HSD11B1: variants seen among roughly 807,000 people sequenced by gnomAD.
HSD11B1 encodes 11-beta-hydroxysteroid dehydrogenase 1.
A neutral mutation model predicts 22.1 loss-of-function variants in HSD11B1; 15 were observed. The ratio of observed to expected loss-of-function variants is 0.68; its 90% CI spans 0.45 to 1.04. The LOEUF is 1.04. Ranked by LOEUF, HSD11B1 falls within the 50% of genes least tolerant of loss-of-function variation. The pLI is 0.00. For synonymous variants in HSD11B1, 122 were observed against 125.2 expected (o/e 0.97, Z 0.17); for missense variants, 281 against 357.6 (o/e 0.79, Z 1.73).
chr1:209,692,979 T>G (rs968543455), intron 1 of HSD11B1, among the ~76,000 whole-genome samples: 3 of 152,148 alleles, frequency 2.0e-5, no homozygotes, highest in Non-Finnish European at 2.9e-5. Context: ...TCTCTCTCCC[T>G]CCCTCCTTCA....
At chr1:209,692,788 A>C (rs1296410130) in intron 1 of HSD11B1, among the ~76,000 whole-genome samples, 1 of 152,134 alleles carries the variant, frequency 6.6e-6, no homozygotes, top group Non-Finnish European at 1.5e-5. Context: ...TCCCACCCTT[A>C]ATAAGCCAGA....
At chr1:209,696,863 C>G (rs1332083841) in intron 1 of HSD11B1, among the ~76,000 whole-genome samples, 1 of 152,244 alleles carries the variant, frequency 6.6e-6, no homozygotes, top group African/African-American at 2.4e-5. Flanking sequence ...GCTGCAAGCC[C>G]TCAGGGTCAA....
At chr1:209,698,167 T>TTAGG (rs1000520538) in intron 1 of HSD11B1, among the ~76,000 whole-genome samples, 1 of 146,592 alleles carries the variant, frequency 6.8e-6, no homozygotes, top group Admixed American at 6.8e-5. Flanking sequence ...GATAGATAGA[T>TTAGG]TAGATAGATA....
At chr1:209,686,349 T>C (rs2076728394) in intron 1 of HSD11B1, 1 of 152,184 alleles carries the variant, frequency 6.6e-6, no homozygotes, top group Non-Finnish European at 1.5e-5. Context: ...GCCTAGTACA[T>C]AGTAGGTCCT....
intron 4 of HSD11B1, among the ~76,000 whole-genome samples, chr1:209,725,533 T>C (rs2076995391): frequency 6.6e-6 from 1 of 152,174 alleles, no homozygotes. Flanking sequence ...CCAGTTTGGG[T>C]TTTAAAGAGA....
chr1:209,689,464 T>C (rs2076746459), intron 1 of HSD11B1, among the ~76,000 whole-genome samples: 1 of 152,128 alleles, frequency 6.6e-6, no homozygotes, highest in South Asian at 2.1e-4. Flanking sequence ...CCAGGTGATA[T>C]AGTTTGGATA....
intron 1 of HSD11B1, among the ~76,000 whole-genome samples, chr1:209,694,625 T>A (rs1302107994): frequency 6.6e-6 from 1 of 152,174 alleles, no homozygotes; most frequent in Non-Finnish European, 1.5e-5. Context: ...AGCCACTGAA[T>A]CTTCTGAAGC....
intron 1 of HSD11B1, among the ~76,000 whole-genome samples, chr1:209,697,449 T>G (rs1222654981): frequency 6.6e-6 from 1 of 152,222 alleles, no homozygotes. Context: ...AATGGGCTAC[T>G]CCCTTCATTA....
Position 209,705,942 on chromosome 1 carries a change from G to A in HSD11B1, c.219+1G>A, listed in dbSNP as rs1302871930. 6.2e-7 allele frequency: 1 copy of A among 1,613,832 alleles called. No homozygotes were observed. Among genetic ancestry groups the A allele is most frequent in the Non-Finnish European group, 8.5e-7 (1 of 1,179,778 alleles). On this transcript the variant is annotated splice_donor_variant, in intron 2 of 5. Transcript: ENST00000367027. LOFTEE classifies it high-confidence loss of function. Reference sequence around the variant, plus strand: ...GAGGTCAAAAGAAACTCTACAGAAGGTGAGGGTTCTATGCTCGCAGATATG... The same window carrying A: ...GAGGTCAAAAGAAACTCTACAGAAGATGAGGGTTCTATGCTCGCAGATATG...
intron 4 of HSD11B1, among the ~76,000 whole-genome samples, chr1:209,718,040 G>A (rs190472787): frequency 2.0e-5 from 3 of 152,192 alleles, no homozygotes; most frequent in African/African-American, 7.2e-5. Context: ...AACTAAAAAG[G>A]TTTATCTCAT....
At position 209,698,627 on chromosome 1, in the gene HSD11B1, C is replaced by T. The variant is rs531470147; in HGVS notation, c.-48-6268C>T. 2.6e-5 allele frequency among the ~76,000 whole-genome samples: 4 copies of T among 152,296 alleles called. No homozygotes were observed. In the South Asian group the frequency reaches 6.2e-4, roughly 24 times the overall value. On this transcript the variant is annotated intron_variant, in intron 1 of 6. Transcript: ENST00000261465. ...TAACTTTGTTTAGTTCTTACATGGCCCCCTCTCTCTTCTATGCTCAGATGT... is the reference window on the plus strand; with the variant it reads ...TAACTTTGTTTAGTTCTTACATGGCTCCCTCTCTCTTCTATGCTCAGATGT...
intron 4 of HSD11B1, among the ~76,000 whole-genome samples, chr1:209,721,446 T>C (rs780311617): frequency 5.6e-5 from 8 of 143,584 alleles, no homozygotes; most frequent in African/African-American, 7.9e-5. Context: ...AACTTTTCTT[T>C]AAGTTTGAAA....
At position 209,706,884 on chromosome 1, in the gene HSD11B1, G is replaced by A; in HGVS notation, c.332-59G>A. ...CCTTGGGGTCACCAAGAGCTTTTGG[G>A]AGGAGAATGGGAAAGGTATCAACCC... On this transcript the variant is annotated intron_variant, in intron 3 of 5. Transcript: ENST00000367027. This position sits in a 1 kb window ranked among gnomAD's most constrained non-coding sequence, Gnocchi z 4.0. The A allele has an allele frequency of 6.2e-7, 1 of 1,608,796 alleles. No individual in the cohort carries two copies. The highest frequency in any genetic ancestry group is 1.7e-5 in the Admixed American group (1 of 60,012).
At chr1:209,707,679 T>A (rs915237024) in intron 4 of HSD11B1, among the ~76,000 whole-genome samples, 2 of 151,876 alleles carry the variant, frequency 1.3e-5, no homozygotes, top group South Asian at 2.1e-4. Flanking sequence ...GAGTGCCTAT[T>A]GGAAGCCTGA....
chr1:209,706,745 G>T lies in HSD11B1; in HGVS notation c.256G>T (p.Ala86Ser), dbSNP rs770250927. 6.2e-7 allele frequency: 1 copy of T among 1,613,976 alleles called. No individual in the cohort carries two copies. The highest frequency in any genetic ancestry group is 1.1e-5 in the South Asian group (1 of 91,082). ...CTGCCTGGAGCTTGGAGCAGCCTCA[G>T]CACACTACATTGCTGGCACCATGGA... is the stretch of plus-strand genomic sequence containing the variant. The part of the protein sequence containing the change: ...SHCLELGAAS[A>S]HYIAGTMEDM... The change falls in exon 3 of 6, where the codon GCA (alanine) becomes TCA (serine). Residue 86 changes from alanine to serine, a missense_variant. Coordinates refer to ENST00000367027, the MANE Select transcript of HSD11B1 (RefSeq NM_005525.4). The surrounding 1 kb of genome is among the most constrained non-coding windows in gnomAD (Gnocchi z 4.0).
intron 1 of HSD11B1, among the ~76,000 whole-genome samples, chr1:209,692,230 G>C (rs577265785): frequency 1.1e-4 from 16 of 152,166 alleles, no homozygotes; most frequent in Non-Finnish European, 2.1e-4. Context: ...GTAGAAGTTC[G>C]GACCGGTATG....
chr1:209,687,994 T>G (rs1006023869), intron 1 of HSD11B1, among the ~76,000 whole-genome samples: 2 of 152,182 alleles, frequency 1.3e-5, no homozygotes, highest in African/African-American at 2.4e-5. Context: ...TTATCCTCAT[T>G]TTACAAATAA....
rs539790250 is a variant in HSD11B1 at position 209,734,154 on chromosome 1, T to C, written c.662-150T>C. ...GCCCAACAGACTCTAACATACCCAGTCTCTCCATGTATTCCCTATAGTGCC... is the reference window on the plus strand; with the variant it reads ...GCCCAACAGACTCTAACATACCCAGCCTCTCCATGTATTCCCTATAGTGCC... On this transcript the variant is annotated intron_variant, in intron 5 of 5. Coordinates refer to ENST00000367027, the MANE Select transcript of HSD11B1 (RefSeq NM_005525.4). 1.1e-4 allele frequency: 75 copies of C among 668,866 alleles called. 1 individual carries two copies. In the South Asian group the frequency reaches 1.2e-3, roughly 10 times the overall value. 41.4% of individuals were successfully genotyped at this position (668,866 alleles called of 1,614,324 possible).
chr1:209,706,986 T>G lies in HSD11B1; in HGVS notation c.375T>G (p.Ser125=). 1 of 1,614,110 alleles carries G rather than the reference T, an allele frequency of 6.2e-7. No individual in the cohort carries two copies. The highest frequency in any genetic ancestry group is 1.3e-5 in the African/African-American group (1 of 75,016). Residue 125 remains serine, a synonymous_variant, in exon 4 of 6, where the codon TCT becomes TCG. Coordinates refer to ENST00000367027, the MANE Select transcript of HSD11B1 (RefSeq NM_005525.4). This position sits in a 1 kb window ranked among gnomAD's most constrained non-coding sequence, Gnocchi z 4.0. ...MLILNHITNT[S]LNLFHDDIHH... is the part of the protein sequence containing the mutation. Reference sequence around the variant, plus strand: ...TTCTCAACCACATCACCAACACTTCTTTGAATCTTTTTCATGATGATATTC... The same window carrying G: ...TTCTCAACCACATCACCAACACTTCGTTGAATCTTTTTCATGATGATATTC...
Sources: allele counts gnomAD v4.1 joint callset (sites outside exome capture counted in the v4.1 genomes callset), GRCh38; gene constraint gnomAD v4.1.1; non-coding constraint Gnocchi (gnomAD v3.1); transcripts MANE v1.5; gene names NCBI Gene and HGNC (gene_info 2026-07-23, HGNC 2026-07-21).